Variants in CDCP1 observed in about 807,000 individuals in gnomAD.
CDCP1 encodes the protein CUB domain-containing protein 1.
A neutral mutation model predicts 60.2 loss-of-function variants in CDCP1; 29 were observed. That is an observed-to-expected ratio of 0.48 (90% CI 0.36 to 0.66). The LOEUF (loss-of-function observed/expected upper bound fraction) is 0.66. Among genes scored for constraint, CDCP1 ranks in the 30% least tolerant of loss-of-function variants. CDCP1 has a pLI of 0.00. For missense variants in CDCP1, 876 were observed against 1,074.3 expected, an observed-to-expected ratio of 0.82 and a Z score of 2.58; for synonymous variants, 387 against 431.1, an observed-to-expected ratio of 0.90 and a Z score of 1.27.
intron 1 of CDCP1, among the ~76,000 whole-genome samples, chr3:45,136,366 TAA>T (rs1699190343): frequency 6.6e-6 from 1 of 152,198 alleles, no homozygotes; most frequent in Non-Finnish European, 1.5e-5. Flanking sequence ...GCCCTACTGC[TAA>T]GAGCTATTGC....
At chr3:45,105,253 T>C (rs746220569) in intron 4 of CDCP1, among the ~76,000 whole-genome samples, 1 of 152,160 alleles carries the variant, frequency 6.6e-6, no homozygotes. Context: ...TTTTTGGAAA[T>C]GGACTCAATG....
chr3:45,115,536 A>G (rs1438385741), intron 2 of CDCP1, among the ~76,000 whole-genome samples: 1 of 152,214 alleles, frequency 6.6e-6, no homozygotes, highest in East Asian at 1.9e-4. Flanking sequence ...AAATACACAA[A>G]CTTACTTCAT....
At chr3:45,097,034 A>G (rs1339087983) in intron 4 of CDCP1, among the ~76,000 whole-genome samples, 1 of 152,228 alleles carries the variant, frequency 6.6e-6, no homozygotes, top group African/African-American at 2.4e-5. Flanking sequence ...AGTGCCAGGC[A>G]TGGTGGCTCA....
rs141194206 is a variant in CDCP1 at position 45,116,238 on chromosome 3, T to TA, written c.292+2173_292+2174insT. Among the ~76,000 whole-genome samples the TA allele has an allele frequency of 5.0e-3, 675 of 135,408 alleles. 38 individuals carry two copies. Among genetic ancestry groups the TA allele is most frequent in the African/African-American group, 0.013 (472 of 37,034 alleles). The allele number at this position is 135,408 out of a possible 152,430, so 88.8% of individuals were successfully genotyped here. ...TAAAATCTATGTTCATACTGTTCTG[T>TA]TAAAAAAAAAAAAAAAAGACATCTA... is the stretch of plus-strand genomic sequence containing the variant. On this transcript the variant is annotated intron_variant, in intron 2 of 8. Coordinates refer to ENST00000296129, the MANE Select transcript of CDCP1 (RefSeq NM_022842.5).
chr3:45,103,345 C>T (rs576587211), intron 4 of CDCP1, among the ~76,000 whole-genome samples: 195 of 152,238 alleles, frequency 1.3e-3, no homozygotes, highest in African/African-American at 4.6e-3. Context: ...CTGAGTAGTA[C>T]TCCATGAGCG....
chr3:45,088,669 G>A (rs56842623), intron 8 of CDCP1, among the ~76,000 whole-genome samples: 3,025 of 152,184 alleles, frequency 0.02, 86 homozygotes, highest in African/African-American at 0.064. Flanking sequence ...ACACACATTC[G>A]TTCTCCTTAG....
rs561336838 is a variant in CDCP1 at position 45,130,495 on chromosome 3, C to T, written c.83-11874G>A. Among the ~76,000 whole-genome samples, 8 of 152,326 alleles carry T rather than the reference C, an allele frequency of 5.3e-5. No individual in the cohort carries two copies. In the East Asian group the frequency reaches 1.3e-3, roughly 26 times the overall value. On this transcript the variant is annotated intron_variant, in intron 1 of 8. Coordinates refer to ENST00000296129, the MANE Select transcript of CDCP1 (RefSeq NM_022842.5). Reference sequence around the variant, plus strand: ...CTTTCTTGGATGCTGAGAAGCTCCTCTCCCGCCATCCTTCTGGACATACAC... The same window carrying T: ...CTTTCTTGGATGCTGAGAAGCTCCTTTCCCGCCATCCTTCTGGACATACAC...
rs761570325 is a variant in CDCP1, at chr3:45,095,463, C to CA, written c.1129dup (p.Cys377LeufsTer9). On this transcript the variant is annotated frameshift_variant, in exon 5 of 9. Transcript: ENST00000296129. LOFTEE classifies it high-confidence loss of function. ...GCTACTGCAGGTCCGAGATTCTAGA[C>CA]ACACGAAACAGCCAGGGACAAACTT... 6.2e-7 allele frequency: 1 copy of CA among 1,614,186 alleles called. No homozygotes were observed. The highest frequency in any genetic ancestry group is 2.2e-5 in the East Asian group (1 of 44,876).
intron 1 of CDCP1, among the ~76,000 whole-genome samples, chr3:45,126,196 T>C (rs4683054): frequency 1.6e-4 from 14 of 87,738 alleles, no homozygotes; most frequent in East Asian, 5.8e-4. Flanking sequence ...CTCTCTCTCT[T>C]TCTTTCTTTC....
rs755161484 is a variant in CDCP1 at position 45,110,781 on chromosome 3, T to C, written c.716A>G (p.Asn239Ser). ...ATCCTCAGGGAAGCCTTCTGGGTAG[T>C]TGGCAGACATCAGGGTTGCTGAGCC... is the stretch of plus-strand genomic sequence containing the variant. Reference protein sequence around the residue: ...GEGSATLMSANYPEGFPEDEL... With the variant: ...GEGSATLMSASYPEGFPEDEL... Residue 239 changes from asparagine (N) to serine (S), a missense_variant, in exon 4 of 9, where the codon AAC (asparagine) becomes AGC (serine). Asn to Ser is a conservative substitution (Grantham distance 46, BLOSUM62 1). Around this residue, in one of 2 missense-constraint regions of CDCP1, gnomAD observed 726 missense variants for 935.7 expected, o/e 0.78. Transcript: ENST00000296129. 18 of 1,614,024 alleles carry C rather than the reference T, an allele frequency of 1.1e-5. No homozygotes were observed. The highest frequency in any genetic ancestry group is 1.5e-5 in the Non-Finnish European group (18 of 1,180,032).
rs182505357 is a variant in CDCP1, at chr3:45,107,310, G to A, written c.1024+3163C>T. ...CAACCTCCACCTCCCGGGTTCAAGCGATTCTCCTGCCTCAGCCTCCTGAGT... is the reference window on the plus strand; with the variant it reads ...CAACCTCCACCTCCCGGGTTCAAGCAATTCTCCTGCCTCAGCCTCCTGAGT... On this transcript the variant is annotated intron_variant, in intron 4 of 8. Coordinates refer to ENST00000296129, the MANE Select transcript of CDCP1 (RefSeq NM_022842.5). Among the ~76,000 whole-genome samples, 606 of 151,944 alleles carry A rather than the reference G, an allele frequency of 4.0e-3. 2 individuals carry two copies. The highest frequency in any genetic ancestry group is 0.014 in the African/African-American group (577 of 41,424).
Position 45,113,245 on chromosome 3 carries a change from C to T in CDCP1, c.293-800G>A, listed in dbSNP as rs143064973. Among the ~76,000 whole-genome samples the T allele has an allele frequency of 2.3e-4, 35 of 152,296 alleles. No homozygotes were observed. The East Asian group carries it at 6.4e-3, about 28-fold the overall frequency. ...CCCCTGGACAGCTGGAATCTGGCGG[C>T]GCCATTTCTCTTCTTGCACTGCCTT... On this transcript the variant is annotated intron_variant, in intron 2 of 8. Transcript: ENST00000296129.
chr3:45,120,233 A>G (rs1325354644), intron 1 of CDCP1, among the ~76,000 whole-genome samples: 1 of 151,692 alleles, frequency 6.6e-6, no homozygotes, highest in Non-Finnish European at 1.5e-5. Context: ...GCTGTATGTG[A>G]TCACACATTT....
intron 1 of CDCP1, among the ~76,000 whole-genome samples, chr3:45,136,729 C>A (rs543462773): frequency 6.6e-6 from 1 of 152,132 alleles, no homozygotes; most frequent in Non-Finnish European, 1.5e-5. Context: ...TTTTTGAAGA[C>A]GGGGTCTATA....
chr3:45,126,106 C>CTCTTTCTT (rs1176754202), intron 1 of CDCP1, among the ~76,000 whole-genome samples: 67 of 149,738 alleles, frequency 4.5e-4, no homozygotes, highest in African/African-American at 1.5e-3. Flanking sequence ...CTTTGTCTCT[C>CTCTTTCTT]TCTCTTTCTT....
chr3:45,124,733 T>C (rs1463679834), intron 1 of CDCP1, among the ~76,000 whole-genome samples: 1 of 152,168 alleles, frequency 6.6e-6, no homozygotes, highest in Non-Finnish European at 1.5e-5. Flanking sequence ...AGTCGTGATA[T>C]GCTTTTAGGG....
At position 45,132,733 on chromosome 3, in the gene CDCP1, T is replaced by C. The variant is rs73089364; in HGVS notation, c.82+13473A>G. 5.5e-3 allele frequency among the ~76,000 whole-genome samples: 834 copies of C among 152,320 alleles called. 2 individuals are homozygous for C. The highest frequency in any genetic ancestry group is 9.8e-3 in the Non-Finnish European group (668 of 68,020). On this transcript the variant is annotated intron_variant, in intron 1 of 8. Coordinates refer to ENST00000296129, the MANE Select transcript of CDCP1 (RefSeq NM_022842.5). ...TTACAAGCATTGGAATGAGACCACA[T>C]GTGCAAAGCCAGGCATGTGGCAGGC... is the stretch of plus-strand genomic sequence containing the variant.
intron 1 of CDCP1, among the ~76,000 whole-genome samples, chr3:45,122,903 T>C (rs1482556124): frequency 2.0e-5 from 3 of 152,140 alleles, no homozygotes; most frequent in Admixed American, 2.0e-4. Flanking sequence ...ATTAATAGCC[T>C]AGACTAAGGG....
At chr3:45,122,840 C>T (rs980324409) in intron 1 of CDCP1, among the ~76,000 whole-genome samples, 2 of 152,180 alleles carry the variant, frequency 1.3e-5, no homozygotes, top group Non-Finnish European at 2.9e-5. Flanking sequence ...TAGGGACACA[C>T]TTGGTGCAAA....
Sources: gnomAD v4.1 joint callset for allele counts (sites outside exome capture counted in the v4.1 genomes callset) on GRCh38, gnomAD v4.1.1 for gene constraint, gnomAD v4.1.1 regional missense constraint, MANE v1.5 for transcripts, NCBI Gene and HGNC (gene_info 2026-07-23, HGNC 2026-07-21) for gene names.